The following ADD2 variants were observed in gnomAD, a reference collection of about 807,000 sequenced individuals.
ADD2 encodes beta-adducin.
A neutral mutation model predicts 83.0 loss-of-function variants in ADD2; 23 were observed. The ratio of observed to expected loss-of-function variants is 0.28; its 90% CI spans 0.20 to 0.39. The LOEUF is 0.39. Ranked by LOEUF, ADD2 falls within the 10% of genes least tolerant of loss-of-function variation. The probability of loss-of-function intolerance (pLI) is 1.00; values close to 1 mark genes in which losing one functional copy is unlikely to be tolerated. For missense variants in ADD2, 758 were observed against 944.9 expected, an observed-to-expected ratio of 0.80 and a Z score of 2.59; for synonymous variants, 375 against 375.4, an observed-to-expected ratio of 1.00 and a Z score of 0.01.
chr2:70,715,535 C>A (rs1191731910), intron 1 of ADD2, among the ~76,000 whole-genome samples: 1 of 152,156 alleles, frequency 6.6e-6, no homozygotes, highest in Admixed American at 6.5e-5. Context: ...CACAGCCCCT[C>A]AGAGCCACCT....
rs78324245 is a variant in ADD2, at chr2:70,675,540, C to T, written c.1594-715G>A. ...TTCAGGAATTCTTTGACCCCTCTAG[C>T]CCAAGATAGGAACTAAAATTCAGAC... On this transcript the variant is annotated intron_variant, in intron 13 of 15. Transcript: ENST00000264436. 3 of 985,282 alleles carry T rather than the reference C, an allele frequency of 3.0e-6. No individual in the cohort carries two copies. In the African/African-American group the frequency reaches 5.2e-5, roughly 17 times the overall value. 61.0% of individuals were successfully genotyped at this position (985,282 alleles called of 1,614,324 possible).
chr2:70,745,721 G>T (rs1553381870), intron 1 of ADD2, among the ~76,000 whole-genome samples: 4 of 152,208 alleles, frequency 2.6e-5, no homozygotes, highest in African/African-American at 9.6e-5. Flanking sequence ...TTTATATAAT[G>T]TCCAATTACT....
intron 4 of ADD2, among the ~76,000 whole-genome samples, chr2:70,697,493 G>A (rs1671370332): frequency 6.6e-6 from 1 of 152,216 alleles, no homozygotes; most frequent in South Asian, 2.1e-4. Context: ...GGGCATCTGA[G>A]CTCTAGCATC....
In ADD2 at chr2:70,692,492, T is replaced by C. The variant is rs1671096481; in HGVS notation, c.616A>G (p.Thr206Ala). The change falls in exon 7 of 16, where the codon ACC (threonine) becomes GCC (alanine). Residue 206 changes from threonine to alanine, a missense_variant. This residue lies in a region of ADD2 where 394 missense variants were observed against 509.3 expected (regional missense o/e 0.77). Coordinates refer to ENST00000264436, the MANE Select transcript of ADD2 (RefSeq NM_001617.4). The stretch of plus-strand genomic sequence containing the variant: ...GCCGAGTGCAGACAGAAGCCTGTGG[T>C]GTCCACTGGGAAGCAGCTGCTGCCC... ...EKGSSCFPVDTTGFCLHSAIY... is the reference protein window; with the variant it reads ...EKGSSCFPVDATGFCLHSAIY... The C allele has an allele frequency of 3.7e-6, 6 of 1,612,806 alleles. No individual in the cohort carries two copies. Among genetic ancestry groups the C allele is most frequent in the African/African-American group, 1.3e-5 (1 of 74,866 alleles).
chr2:70,756,920 C>A (rs1674824499), intron 1 of ADD2, among the ~76,000 whole-genome samples: 1 of 151,324 alleles, frequency 6.6e-6, no homozygotes, highest in African/African-American at 2.4e-5. Context: ...ACTCTGCCTC[C>A]CAGGTTCACG....
intron 1 of ADD2, among the ~76,000 whole-genome samples, chr2:70,731,340 G>A (rs1037228186): frequency 1.3e-5 from 2 of 152,194 alleles, no homozygotes; most frequent in Admixed American, 1.3e-4. Flanking sequence ...TTCCTCTTTA[G>A]GGTAAAGGAG....
At chr2:70,664,472 T>C (rs1176452140) in intron 15 of ADD2, among the ~76,000 whole-genome samples, 1 of 152,168 alleles carries the variant, frequency 6.6e-6, no homozygotes, top group Non-Finnish European at 1.5e-5. Context: ...TCACTCAACC[T>C]TGCTTCCACA....
At chr2:70,724,619 T>C (rs562252464) in intron 1 of ADD2, among the ~76,000 whole-genome samples, 30 of 152,332 alleles carry the variant, frequency 2.0e-4, no homozygotes, top group African/African-American at 6.7e-4. Context: ...TAGGCCCCCC[T>C]GCCAGGCTCT....
intron 6 of ADD2, among the ~76,000 whole-genome samples, chr2:70,694,066 C>T (rs1372738477): frequency 1.3e-5 from 2 of 152,214 alleles, no homozygotes; most frequent in African/African-American, 4.8e-5. Flanking sequence ...GCCAGGCTCC[C>T]TTGTGCAGTG....
At chr2:70,734,778 G>A (rs956081612) in intron 1 of ADD2, among the ~76,000 whole-genome samples, 2 of 152,144 alleles carry the variant, frequency 1.3e-5, no homozygotes, top group African/African-American at 4.8e-5. Context: ...TCCCCAAGCC[G>A]ACCACCTCTG....
chr2:70,687,992 C>T, intron 9 of ADD2, 32 bp downstream of exon 9: 2 of 1,582,050 alleles, frequency 1.3e-6, no homozygotes, highest in Non-Finnish European at 8.7e-7. Context: ...AGAGCCCACT[C>T]CTGGGCCCAC....
chr2:70,712,796 C>T (rs1203285563), intron 2 of ADD2, among the ~76,000 whole-genome samples: 2 of 152,184 alleles, frequency 1.3e-5, no homozygotes, highest in Admixed American at 1.3e-4. Flanking sequence ...GTGGGGAGTT[C>T]TCCCTGCTGG....
intron 1 of ADD2, among the ~76,000 whole-genome samples, chr2:70,758,242 A>G (rs1455181108): frequency 6.6e-6 from 1 of 152,182 alleles, no homozygotes; most frequent in Non-Finnish European, 1.5e-5. Context: ...ATAATGCACA[A>G]TGTTCTTGAG....
intron 1 of ADD2, among the ~76,000 whole-genome samples, chr2:70,730,134 T>C (rs148827522): frequency 6.6e-6 from 1 of 152,332 alleles, no homozygotes; most frequent in African/African-American, 2.4e-5. Flanking sequence ...TTGTAAATGG[T>C]GAAATATAGT....
chr2:70,694,689 C>T (rs781866769), intron 6 of ADD2, among the ~76,000 whole-genome samples: 27 of 152,176 alleles, frequency 1.8e-4, no homozygotes, highest in Admixed American at 5.2e-4. Flanking sequence ...TCATATCCCA[C>T]TGACTCCACT....
intron 1 of ADD2, among the ~76,000 whole-genome samples, chr2:70,743,502 A>G (rs556699169): frequency 4.7e-4 from 72 of 152,336 alleles, no homozygotes; most frequent in African/African-American, 1.5e-3. Flanking sequence ...GTAATTTATT[A>G]GGGACAATAT....
chr2:70,683,795 C>T (rs1553370065), intron 9 of ADD2, 28 bp from the exon 10 acceptor site: 30 of 1,595,982 alleles, frequency 1.9e-5, no homozygotes, highest in South Asian at 3.3e-5. Context: ...GAGCCCTCAG[C>T]CCATGTGCAC....
chr2:70,659,545 C>T lies in ADD2; in HGVS notation c.*3880G>A, dbSNP rs1553364661. 6.6e-6 allele frequency: 1 copy of T among 152,206 alleles called. No homozygotes were observed. The highest frequency in any genetic ancestry group is 6.5e-5 in the Admixed American group (1 of 15,284). 9.4% of individuals were successfully genotyped at this position (152,206 alleles called of 1,614,324 possible). A position where few individuals can be genotyped will look rare whatever the true frequency, so the allele number is the denominator to read the frequency against. ...ACTTACTGCTCTTCATCCAATTTCC[C>T]CCAAGTCCTTTAAAAAGAACTTATC... On this transcript the variant is annotated 3_prime_UTR_variant, in exon 16 of 16. Transcript: ENST00000264436.
At chr2:70,687,518 T>C (rs7569238) in intron 9 of ADD2, among the ~76,000 whole-genome samples, 44,053 of 151,612 alleles carry the variant, frequency 0.29, 6,757 homozygotes, top group East Asian at 0.44. Flanking sequence ...GTCAACACTC[T>C]GATTGGTCTG....
Sources: gnomAD v4.1 joint callset for allele counts (sites outside exome capture counted in the v4.1 genomes callset) on GRCh38, gnomAD v4.1.1 for gene constraint, gnomAD v4.1.1 regional missense constraint, MANE v1.5 for transcripts, NCBI Gene and HGNC (gene_info 2026-07-23, HGNC 2026-07-21) for gene names.